Variants in SCAPER observed in about 807,000 individuals in gnomAD.
SCAPER encodes the protein S-phase cyclin A associated protein in the ER, also known as S phase cyclin A-associated protein in the endoplasmic reticulum.
In SCAPER, 98 loss-of-function variants were observed where a neutral mutation model predicts 182.2. The ratio of observed to expected loss-of-function variants is 0.54; its 90% CI spans 0.46 to 0.64. The LOEUF is 0.64. Among genes scored for constraint, SCAPER ranks in the 30% least tolerant of loss-of-function variants. The pLI, the probability that SCAPER is intolerant of heterozygous loss-of-function variation, is 0.00. For synonymous variants in SCAPER, 605 were observed against 564.6 expected (o/e 1.07, Z -1.01); for missense variants, 1,432 against 1,690.0 (o/e 0.85, Z 2.68).
At chr15:76,438,279 C>CAAAAA (rs372587932) in intron 25 of SCAPER, among the ~76,000 whole-genome samples, 16 of 110,892 alleles carry the variant, frequency 1.4e-4, no homozygotes, top group Non-Finnish European at 2.0e-4. Context: ...GAGACTGTCT[C>CAAAAA]AAAAAAAAAA....
intron 24 of SCAPER, among the ~76,000 whole-genome samples, chr15:76,501,834 G>C (rs547745839): frequency 2.0e-5 from 3 of 152,300 alleles, no homozygotes; most frequent in Non-Finnish European, 2.9e-5. Context: ...GCCTGGGCAG[G>C]GATTTGTGCA....
chr15:76,718,797 G>A (rs1232416900), intron 17 of SCAPER, among the ~76,000 whole-genome samples: 2 of 152,122 alleles, frequency 1.3e-5, no homozygotes, highest in Non-Finnish European at 2.9e-5. Flanking sequence ...TAGATATATG[G>A]AAAGGTGATG....
At chr15:76,510,258 G>A (rs575905459) in intron 23 of SCAPER, among the ~76,000 whole-genome samples, 1 of 152,104 alleles carries the variant, frequency 6.6e-6, no homozygotes, top group African/African-American at 2.4e-5. Context: ...CTTTTGCATG[G>A]CAAAAGGAAC....
At chr15:76,451,418 A>T (rs932138560) in intron 25 of SCAPER, among the ~76,000 whole-genome samples, 1 of 152,226 alleles carries the variant, frequency 6.6e-6, no homozygotes, top group Non-Finnish European at 1.5e-5. Flanking sequence ...GTGTATGTTT[A>T]TAAGAAACTG....
chr15:76,563,920 G>C (rs960400654), intron 23 of SCAPER, among the ~76,000 whole-genome samples: 5 of 152,146 alleles, frequency 3.3e-5, no homozygotes, highest in Non-Finnish European at 5.9e-5. Flanking sequence ...ACCCCCACAT[G>C]ATTATCTCAA....
chr15:76,449,091 T>A (rs16968251), intron 25 of SCAPER, among the ~76,000 whole-genome samples: 2 of 152,198 alleles, frequency 1.3e-5, no homozygotes, highest in Non-Finnish European at 2.9e-5. Context: ...TGATCCAACA[T>A]AGAATCCAGA....
At chr15:76,801,499 T>A (rs1035763783) in intron 6 of SCAPER, among the ~76,000 whole-genome samples, 2 of 152,180 alleles carry the variant, frequency 1.3e-5, no homozygotes, top group Non-Finnish European at 2.9e-5. Flanking sequence ...CAAAATAAAT[T>A]TTGATGCATG....
chr15:76,782,384 G>C (rs2064219473), intron 8 of SCAPER, among the ~76,000 whole-genome samples: 2 of 152,184 alleles, frequency 1.3e-5, no homozygotes, highest in African/African-American at 4.8e-5. Context: ...CATAAAGCAA[G>C]TCTTTAGAGA....
intron 24 of SCAPER, among the ~76,000 whole-genome samples, chr15:76,499,113 C>A (rs2143661835): frequency 1.3e-5 from 2 of 152,292 alleles, no homozygotes; most frequent in Middle Eastern, 6.8e-3. Context: ...TTCTAGCATA[C>A]TCTTTGGCCT....
rs542232964 is a variant in SCAPER, at chr15:76,441,817, TTTCC to T, written c.3079-7511_3079-7508del. Among the ~76,000 whole-genome samples, 1,015 of 152,328 alleles carry T rather than the reference TTTCC, an allele frequency of 6.7e-3. 7 individuals carry two copies. The highest frequency in any genetic ancestry group is 0.012 in the Non-Finnish European group (786 of 68,034). ...TTACCTCCTGACATACTGTACATTA[TTTCC>T]TCTCTCTCTCAGAATATAAGCTCCA... On this transcript the variant is annotated intron_variant, in intron 25 of 31. Coordinates refer to ENST00000563290, the MANE Select transcript of SCAPER (RefSeq NM_020843.4).
chr15:76,422,773 T>A (rs186876541), intron 26 of SCAPER, among the ~76,000 whole-genome samples: 52 of 152,248 alleles, frequency 3.4e-4, no homozygotes, highest in Non-Finnish European at 1.2e-4. Context: ...AGATAGCTCT[T>A]ATTATTTTGA....
intron 22 of SCAPER, among the ~76,000 whole-genome samples, chr15:76,596,912 C>T (rs2049549928): frequency 8.2e-6 from 1 of 121,608 alleles, no homozygotes; most frequent in African/African-American, 2.5e-5. Flanking sequence ...ACAAGGATGC[C>T]CTCTCTCACC....
intron 29 of SCAPER, among the ~76,000 whole-genome samples, chr15:76,356,610 C>G (rs189418168): frequency 6.6e-6 from 1 of 152,166 alleles, no homozygotes; most frequent in Non-Finnish European, 1.5e-5. Flanking sequence ...GGAGCTCTTA[C>G]TAAGTCAATA....
At chr15:76,752,329 T>C (rs2062140025) in intron 15 of SCAPER, among the ~76,000 whole-genome samples, 2 of 151,780 alleles carry the variant, frequency 1.3e-5, no homozygotes, top group Admixed American at 6.6e-5. Flanking sequence ...TGGTGATTCC[T>C]CAAAAAATTA....
At chr15:76,621,020 T>A (rs2468121) in intron 22 of SCAPER, among the ~76,000 whole-genome samples, 70 of 152,066 alleles carry the variant, frequency 4.6e-4, no homozygotes, top group Middle Eastern at 3.4e-3. Flanking sequence ...TAAAAAAAAA[T>A]TTTTAAAAGA....
intron 15 of SCAPER, among the ~76,000 whole-genome samples, chr15:76,738,751 C>T (rs1389721958): frequency 1.3e-5 from 2 of 152,040 alleles, no homozygotes; most frequent in African/African-American, 4.8e-5. Context: ...CACCCCAAAA[C>T]AATTACAATA....
At chr15:76,792,166 C>T (rs2065044674) in intron 8 of SCAPER, among the ~76,000 whole-genome samples, 1 of 151,774 alleles carries the variant, frequency 6.6e-6, no homozygotes, top group Non-Finnish European at 1.5e-5. Context: ...TTAAAGTACA[C>T]CCACAGGAAA....
At chr15:76,405,155 C>A (rs1390836348) in intron 26 of SCAPER, among the ~76,000 whole-genome samples, 7 of 145,104 alleles carry the variant, frequency 4.8e-5, no homozygotes, top group African/African-American at 1.8e-4. Context: ...CACTCTGTCA[C>A]CTGGCTGGAG....
At chr15:76,412,930 G>A (rs1236846602) in intron 26 of SCAPER, among the ~76,000 whole-genome samples, 2 of 151,932 alleles carry the variant, frequency 1.3e-5, no homozygotes, top group Non-Finnish European at 2.9e-5. Flanking sequence ...CTTTGTAGAG[G>A]TGTTGCTTTA....
Sources: gnomAD v4.1 joint callset for allele counts (sites outside exome capture counted in the v4.1 genomes callset) on GRCh38, gnomAD v4.1.1 for gene constraint, MANE v1.5 for transcripts, NCBI Gene and HGNC (gene_info 2026-07-23, HGNC 2026-07-21) for gene names.